LRRC3B: variants seen among roughly 807,000 people sequenced by gnomAD.
The protein encoded by LRRC3B is leucine-rich repeat-containing protein 3B.
In LRRC3B, 2 loss-of-function variants were observed where a neutral mutation model predicts 12.8. The observed-to-expected ratio is 0.16, with a 90% CI of 0.06 to 0.49. LRRC3B has a LOEUF of 0.49. Among genes scored for constraint, LRRC3B ranks in the 20% least tolerant of loss-of-function variants. The probability of loss-of-function intolerance (pLI) is 0.96; values close to 1 mark genes in which losing one functional copy is unlikely to be tolerated. For missense variants in LRRC3B, 189 were observed against 319.4 expected (o/e 0.59, Z 3.11); for synonymous variants, 132 against 122.0 (o/e 1.08, Z -0.54).
At chr3:26,626,762 T>C (rs1698635398) in intron 1 of LRRC3B, among the ~76,000 whole-genome samples, 1 of 152,204 alleles carries the variant, frequency 6.6e-6, no homozygotes, top group South Asian at 2.1e-4. Context: ...AATAAAACAT[T>C]GCAGAATATT....
intron 1 of LRRC3B, among the ~76,000 whole-genome samples, chr3:26,653,097 C>CAAAAAAAAA (rs58039696): frequency 8.5e-6 from 1 of 117,016 alleles, no homozygotes; most frequent in Non-Finnish European, 2.0e-5. Context: ...CTTGTGGGAT[C>CAAAAAAAAA]AAAAAAAAAA....
chr3:26,661,424 C>A (rs534078751), intron 1 of LRRC3B, among the ~76,000 whole-genome samples: 1 of 152,150 alleles, frequency 6.6e-6, no homozygotes. Context: ...ACATCCAAAC[C>A]TTCTTAATAT....
intron 1 of LRRC3B, among the ~76,000 whole-genome samples, chr3:26,704,702 C>T (rs1434182925): frequency 1.3e-5 from 2 of 152,110 alleles, no homozygotes; most frequent in African/African-American, 4.8e-5. Context: ...TTGCACCCAG[C>T]TCTCCATTTT....
intron 1 of LRRC3B, among the ~76,000 whole-genome samples, chr3:26,695,147 T>A (rs1329973981): frequency 6.6e-6 from 1 of 152,202 alleles, no homozygotes; most frequent in Non-Finnish European, 1.5e-5. Context: ...TATCAGAATT[T>A]GCAGATTGCT....
intron 1 of LRRC3B, among the ~76,000 whole-genome samples, chr3:26,643,443 G>A (rs1699076846): frequency 6.6e-6 from 1 of 152,064 alleles, no homozygotes; most frequent in African/African-American, 2.4e-5. Flanking sequence ...TCAGCCCAGG[G>A]CTCAGCATGG....
chr3:26,650,147 T>C (rs77727561), intron 1 of LRRC3B, among the ~76,000 whole-genome samples: 4 of 152,250 alleles, frequency 2.6e-5, no homozygotes, highest in Non-Finnish European at 4.4e-5. Flanking sequence ...CCATGTCTCA[T>C]AGCTTTGTGT....
intron 1 of LRRC3B, among the ~76,000 whole-genome samples, chr3:26,690,099 T>C (rs1373084775): frequency 6.6e-6 from 1 of 152,238 alleles, no homozygotes; most frequent in African/African-American, 2.4e-5. Context: ...TGGGTGTACC[T>C]GACCAAAAAC....
At position 26,634,697 on chromosome 3, in the gene LRRC3B, A is replaced by G. The variant is rs144838704; in HGVS notation, c.-161+11460A>G. 2.4e-4 allele frequency among the ~76,000 whole-genome samples: 36 copies of G among 152,338 alleles called. No homozygotes were observed. The East Asian group carries it at 5.6e-3, about 24-fold the overall frequency. On this transcript the variant is annotated intron_variant, in intron 1 of 1. Coordinates refer to ENST00000396641, the Ensembl canonical transcript of LRRC3B. ...TGCACTTGCATTTGCGTAATTTCCC[A>G]TCTTTTGATCCCTTTCCATTCCAGG...
At chr3:26,709,599 G>A in exon 2 of LRRC3B, 1 of 1,436,956 alleles carries the variant, frequency 7.0e-7, no homozygotes, top group Non-Finnish European at 9.6e-7. Context: ...CAATAGTGTG[G>A]ACAGGGCTGG....
chr3:26,667,923 ATTTT>A (rs1162374920), intron 1 of LRRC3B, among the ~76,000 whole-genome samples: 1 of 151,548 alleles, frequency 6.6e-6, no homozygotes, highest in East Asian at 1.9e-4. Flanking sequence ...ATTTTATTTT[ATTTT>A]TTTATTTTAT....
chr3:26,657,931 A>G (rs1195121278), intron 1 of LRRC3B, among the ~76,000 whole-genome samples: 3 of 152,224 alleles, frequency 2.0e-5, no homozygotes, highest in African/African-American at 7.2e-5. Context: ...ACCAAGAGAT[A>G]TAAGAGAAAA....
chr3:26,636,480 C>A (rs775711124), intron 1 of LRRC3B, among the ~76,000 whole-genome samples: 15 of 152,136 alleles, frequency 9.9e-5, no homozygotes, highest in Non-Finnish European at 2.1e-4. Context: ...TATCTGGATG[C>A]AGATGAGTTC....
intron 1 of LRRC3B, among the ~76,000 whole-genome samples, chr3:26,697,297 A>G (rs6792919): frequency 0.34 from 51,262 of 151,986 alleles, 11,797 homozygotes; most frequent in African/African-American, 0.64. Flanking sequence ...AGGACAATCC[A>G]TTGCTTGCAA....
At chr3:26,629,312 G>A (rs1698702363) in intron 1 of LRRC3B, among the ~76,000 whole-genome samples, 1 of 150,986 alleles carries the variant, frequency 6.6e-6, no homozygotes, top group Non-Finnish European at 1.5e-5. Flanking sequence ...GAAGTATTCA[G>A]TAACTTACTG....
At chr3:26,662,823 G>C (rs1488584097) in intron 1 of LRRC3B, among the ~76,000 whole-genome samples, 1 of 152,068 alleles carries the variant, frequency 6.6e-6, no homozygotes, top group Non-Finnish European at 1.5e-5. Flanking sequence ...AAGGCCAATA[G>C]ACATTATCAT....
At chr3:26,652,212 A>G (rs886124938) in intron 1 of LRRC3B, among the ~76,000 whole-genome samples, 3 of 152,198 alleles carry the variant, frequency 2.0e-5, no homozygotes, top group East Asian at 1.9e-4. Flanking sequence ...CCTACAGAAC[A>G]CTGTATATAT....
intron 1 of LRRC3B, among the ~76,000 whole-genome samples, chr3:26,680,616 A>G (rs918975690): frequency 1.3e-5 from 2 of 152,202 alleles, no homozygotes; most frequent in South Asian, 2.1e-4. Flanking sequence ...TTCCTACTCT[A>G]CATCCCAGTA....
At chr3:26,645,529 T>G (rs1252774761) in intron 1 of LRRC3B, among the ~76,000 whole-genome samples, 1 of 152,152 alleles carries the variant, frequency 6.6e-6, no homozygotes, top group African/African-American at 2.4e-5. Flanking sequence ...CCTCTGCTAT[T>G]ATATATGTGC....
intron 1 of LRRC3B, among the ~76,000 whole-genome samples, chr3:26,702,097 G>C (rs1332892249): frequency 6.6e-6 from 1 of 152,170 alleles, no homozygotes; most frequent in Non-Finnish European, 1.5e-5. Flanking sequence ...GGCAATGTGA[G>C]AATGTAAAAT....
Sources: allele counts gnomAD v4.1 joint callset (sites outside exome capture counted in the v4.1 genomes callset), GRCh38; gene constraint gnomAD v4.1.1; transcripts MANE v1.5; gene names NCBI Gene and HGNC (gene_info 2026-07-23, HGNC 2026-07-21).